Variants in GRID1 observed in about 807,000 individuals in gnomAD.
The protein encoded by GRID1 is glutamate ionotropic receptor delta type subunit 1.
Under a neutral mutation model 98.0 loss-of-function variants are expected in GRID1, and 28 were observed. That is an observed-to-expected ratio of 0.29 (90% CI 0.21 to 0.39). The LOEUF (loss-of-function observed/expected upper bound fraction) is 0.39, where lower values mean the gene tolerates loss of function less well. Among genes scored for constraint, GRID1 ranks in the 10% least tolerant of loss-of-function variants. The pLI is 1.00. For missense variants in GRID1, 1,111 were observed against 1,340.5 expected, an observed-to-expected ratio of 0.83 and a Z score of 2.67; for synonymous variants, 553 against 538.5, an observed-to-expected ratio of 1.03 and a Z score of -0.37.
Position 86,270,015 on chromosome 10 carries a change from A to C in GRID1, c.236-63367T>G, listed in dbSNP as rs187279728. On this transcript the variant is annotated intron_variant, in intron 2 of 15. Coordinates refer to ENST00000327946, the MANE Select transcript of GRID1 (RefSeq NM_017551.3). ...AAACATCCCCTTCCCTTAATACTAAACAAATCTATCCTTATTTGTAGGTCT... is the reference window on the plus strand; with the variant it reads ...AAACATCCCCTTCCCTTAATACTAACCAAATCTATCCTTATTTGTAGGTCT... 6.8e-4 allele frequency among the ~76,000 whole-genome samples: 103 copies of C among 152,340 alleles called. 1 individual carries two copies. The highest frequency in any genetic ancestry group is 4.8e-3 in the Admixed American group (74 of 15,310).
chr10:85,996,665 C>T (rs1343925222), intron 4 of GRID1, among the ~76,000 whole-genome samples: 5 of 151,938 alleles, frequency 3.3e-5, no homozygotes, highest in Non-Finnish European at 7.4e-5. Context: ...CCTGCCTCTA[C>T]TAAAAATATA....
chr10:86,158,332 C>T (rs1845274154), intron 3 of GRID1, among the ~76,000 whole-genome samples: 1 of 152,192 alleles, frequency 6.6e-6, no homozygotes. Context: ...CATTACAGGG[C>T]TATTGTGAGA....
intron 3 of GRID1, among the ~76,000 whole-genome samples, chr10:86,173,821 C>T (rs1209989558): frequency 2.8e-5 from 4 of 145,410 alleles, no homozygotes; most frequent in East Asian, 2.1e-4. Context: ...TGAGAATATG[C>T]GGTGTTTGGT....
intron 13 of GRID1, among the ~76,000 whole-genome samples, chr10:85,636,493 C>T (rs79637414): frequency 6.6e-6 from 1 of 152,234 alleles, no homozygotes; most frequent in African/African-American, 2.4e-5. Context: ...TATTCAATTT[C>T]CCCAATTAGC....
At chr10:86,118,485 T>C (rs1245256861) in intron 4 of GRID1, among the ~76,000 whole-genome samples, 1 of 151,796 alleles carries the variant, frequency 6.6e-6, no homozygotes, top group Non-Finnish European at 1.5e-5. Context: ...CCTATTGAAA[T>C]AAAACAAAAA....
chr10:85,715,692 A>T (rs192529627), intron 12 of GRID1, among the ~76,000 whole-genome samples: 4 of 151,044 alleles, frequency 2.6e-5, no homozygotes, highest in South Asian at 2.1e-4. Flanking sequence ...TGGCTATGAT[A>T]AAAAAAAGAC....
chr10:86,028,546 T>C (rs563025488), intron 4 of GRID1, among the ~76,000 whole-genome samples: 1 of 152,318 alleles, frequency 6.6e-6, no homozygotes, highest in South Asian at 2.1e-4. Context: ...ATTGGAATCT[T>C]TAAATATTCA....
chr10:86,238,538 CA>C (rs1359709873), intron 2 of GRID1, among the ~76,000 whole-genome samples: 2 of 152,134 alleles, frequency 1.3e-5, no homozygotes, highest in African/African-American at 2.4e-5. Context: ...GGCATGGTGG[CA>C]CATGCCTATA....
chr10:86,251,607 G>C (rs953151856), intron 2 of GRID1, among the ~76,000 whole-genome samples: 3 of 152,090 alleles, frequency 2.0e-5, no homozygotes, highest in African/African-American at 7.2e-5. Context: ...TGGGGATCTG[G>C]GATCAGGGCT....
At chr10:86,276,827 C>A (rs986864041) in intron 2 of GRID1, among the ~76,000 whole-genome samples, 15 of 151,678 alleles carry the variant, frequency 9.9e-5, no homozygotes, top group Non-Finnish European at 2.2e-4. Context: ...CATCAGAAAT[C>A]AAGGCAGAAA....
At chr10:85,727,026 G>C (rs1457713221) in intron 10 of GRID1, among the ~76,000 whole-genome samples, 1 of 152,236 alleles carries the variant, frequency 6.6e-6, no homozygotes, top group African/African-American at 2.4e-5. Context: ...TGTGCTGTGA[G>C]AGTAAAAGTT....
At chr10:85,854,750 G>A (rs536432278) in intron 7 of GRID1, 135 bp from the exon 8 acceptor site, 1 of 765,992 alleles carries the variant, frequency 1.3e-6, no homozygotes, top group Admixed American at 2.4e-5. Flanking sequence ...GCTGTAATGA[G>A]GACAAGATGG....
intron 8 of GRID1, among the ~76,000 whole-genome samples, chr10:85,740,537 CCT>C (rs1841930524): frequency 6.6e-6 from 1 of 152,210 alleles, no homozygotes; most frequent in Admixed American, 6.5e-5. Context: ...TGGACTGGCT[CCT>C]CTCTCTGGAA....
At chr10:86,127,512 C>T (rs2131964006) in intron 4 of GRID1, among the ~76,000 whole-genome samples, 1 of 152,290 alleles carries the variant, frequency 6.6e-6, no homozygotes, top group East Asian at 1.9e-4. Flanking sequence ...GAAAAAGATC[C>T]GAAAGTGCCT....
At chr10:86,052,181 A>C (rs1335041680) in intron 4 of GRID1, among the ~76,000 whole-genome samples, 1 of 152,222 alleles carries the variant, frequency 6.6e-6, no homozygotes, top group Non-Finnish European at 1.5e-5. Context: ...AATCAATGTG[A>C]AGAAAAAGTA....
chr10:86,198,161 G>A (rs1410397391), intron 3 of GRID1, among the ~76,000 whole-genome samples: 1 of 152,052 alleles, frequency 6.6e-6, no homozygotes, highest in Non-Finnish European at 1.5e-5. Flanking sequence ...GACTCTGGGG[G>A]TGAGATCCCG....
chr10:85,770,072 C>T (rs1842241703), intron 8 of GRID1, among the ~76,000 whole-genome samples: 1 of 152,176 alleles, frequency 6.6e-6, no homozygotes, highest in Non-Finnish European at 1.5e-5. Flanking sequence ...CTGAGAGGCA[C>T]CCCCCAGTAG....
intron 4 of GRID1, among the ~76,000 whole-genome samples, chr10:85,992,730 G>A (rs539510848): frequency 6.6e-6 from 1 of 152,218 alleles, no homozygotes; most frequent in Admixed American, 6.5e-5. Context: ...CAGGAAGAGT[G>A]CTTGAGCCCA....
chr10:85,792,059 G>A (rs975552544), intron 8 of GRID1, among the ~76,000 whole-genome samples: 1 of 152,168 alleles, frequency 6.6e-6, no homozygotes, highest in Non-Finnish European at 1.5e-5. Flanking sequence ...GTATTCATGA[G>A]CTAGTGCATA....
Sources: allele counts gnomAD v4.1 joint callset (sites outside exome capture counted in the v4.1 genomes callset), GRCh38; gene constraint gnomAD v4.1.1; transcripts MANE v1.5; gene names NCBI Gene and HGNC (gene_info 2026-07-23, HGNC 2026-07-21).